Variants in DSN1 observed in about 807,000 individuals in gnomAD.
DSN1 encodes the protein kinetochore-associated protein DSN1 homolog.
Under a neutral mutation model 45.7 loss-of-function variants are expected in DSN1, and 31 were observed. That is an observed-to-expected ratio of 0.68 (90% confidence interval 0.51 to 0.92). The LOEUF is 0.92. Ranked by LOEUF, DSN1 falls within the 40% of genes least tolerant of loss-of-function variation. The probability of loss-of-function intolerance (pLI) is 0.00; values close to 1 mark genes in which losing one functional copy is unlikely to be tolerated. For synonymous variants in DSN1, 134 were observed against 142.3 expected (o/e 0.94, Z 0.41); for missense variants, 394 against 414.2 (o/e 0.95, Z 0.42).
intron 6 of DSN1, among the ~76,000 whole-genome samples, chr20:36,760,539 C>A (rs1986920101): frequency 6.6e-6 from 1 of 152,184 alleles, no homozygotes. Context: ...AAGCCTGAGA[C>A]ACACAGCCAT....
At position 36,767,215 on chromosome 20, in the gene DSN1, T is replaced by C. The variant is rs2425281; in HGVS notation, c.430-374A>G. ...CCAGCTACTCGGGAGGCTGAGGCGG[T>C]AGAATCGCTTGAACCTGGGAGGCGG... is the stretch of plus-strand genomic sequence containing the variant. On this transcript the variant is annotated intron_variant, in intron 4 of 10. Coordinates refer to ENST00000373750, the MANE Select transcript of DSN1 (RefSeq NM_001145315.2). Among the ~76,000 whole-genome samples, 5 of 150,140 alleles carry C rather than the reference T, an allele frequency of 3.3e-5. 2 individuals are homozygous for C. Among genetic ancestry groups the C allele is most frequent in the East Asian group, 2.0e-4 (1 of 4,964 alleles).
intron 4 of DSN1, 28 bp from the exon 5 acceptor site, chr20:36,766,869 A>G: frequency 6.5e-7 from 1 of 1,531,590 alleles, no homozygotes; most frequent in Non-Finnish European, 8.9e-7. Context: ...TTTTTAGTAC[A>G]ACCACCAAAA....
chr20:36,758,814 A>G (rs1320371995), intron 6 of DSN1, among the ~76,000 whole-genome samples, 197 bp from the exon 7 acceptor site: 1 of 151,986 alleles, frequency 6.6e-6, no homozygotes, highest in Non-Finnish European at 1.5e-5. Flanking sequence ...TAGCCTCCAG[A>G]GTAGCTGGAA....
At chr20:36,761,596 C>T (rs987583138) in intron 6 of DSN1, among the ~76,000 whole-genome samples, 3 of 152,050 alleles carry the variant, frequency 2.0e-5, no homozygotes, top group African/African-American at 2.4e-5. Flanking sequence ...CGCGGTGGCT[C>T]ATGCCTGTAA....
chr20:36,764,747 C>G (rs1446357555), intron 5 of DSN1, among the ~76,000 whole-genome samples: 3 of 151,990 alleles, frequency 2.0e-5, no homozygotes, highest in African/African-American at 4.8e-5. Flanking sequence ...ATGGCGAAAC[C>G]CTGTCTCTAC....
intron 1 of DSN1, 22 bp from the exon 2 acceptor site, chr20:36,771,495 T>C (rs536075359): frequency 1.2e-6 from 2 of 1,611,190 alleles, no homozygotes; most frequent in East Asian, 2.2e-5. Flanking sequence ...AAAATGGAAG[T>C]GATCTGTTCT....
At position 36,771,165 on chromosome 20, in the gene DSN1, A is replaced by G. The variant is rs751339638; in HGVS notation, c.63T>C (p.His21=). Residue 21 remains histidine (H), a synonymous_variant, in exon 3 of 11, where the codon CAT becomes CAC. Transcript: ENST00000373750. ...DEKGPVMSKT[H]DHQLESSLSP... is the part of the protein sequence containing the mutation. ...TGAGACTTGATTCCAATTGATGATC[A>G]TGAGTCTTAGACATCACTGGTCCTT... 10 of 1,613,226 alleles carry G rather than the reference A, an allele frequency of 6.2e-6. No individual in the cohort carries two copies. In the South Asian group the frequency reaches 6.6e-5, roughly 11 times the overall value.
At chr20:36,769,441 G>A (rs565807042) in intron 3 of DSN1, among the ~76,000 whole-genome samples, 3 of 152,274 alleles carry the variant, frequency 2.0e-5, no homozygotes, top group Admixed American at 1.3e-4. Context: ...TAAATACTCC[G>A]GCATAGAGCT....
intron 10 of DSN1, among the ~76,000 whole-genome samples, chr20:36,753,167 G>A (rs1444265382): frequency 6.8e-6 from 1 of 146,390 alleles, no homozygotes; most frequent in Admixed American, 6.9e-5. Flanking sequence ...AACACAGTAA[G>A]ACCTTGTCTC....
intron 3 of DSN1, among the ~76,000 whole-genome samples, chr20:36,768,630 G>T (rs1000312909): frequency 6.6e-6 from 1 of 152,238 alleles, no homozygotes; most frequent in African/African-American, 2.4e-5. Flanking sequence ...GCCTGCCTTG[G>T]CCTTCCAAAG....
At chr20:36,771,340 T>C in intron 2 of DSN1, 85 bp downstream of exon 2, 1 of 1,525,240 alleles carries the variant, frequency 6.6e-7, no homozygotes, top group Non-Finnish European at 9.0e-7. Flanking sequence ...TGATTCCAAA[T>C]CTACCAGGAG....
At chr20:36,771,690 T>C (rs551186699) in intron 1 of DSN1, among the ~76,000 whole-genome samples, 3 of 152,342 alleles carry the variant, frequency 2.0e-5, no homozygotes, top group South Asian at 2.1e-4. Flanking sequence ...CCTGAACACA[T>C]ACCCTACCTT....
chr20:36,768,647 G>A (rs2148282690), intron 3 of DSN1, among the ~76,000 whole-genome samples: 1 of 152,342 alleles, frequency 6.6e-6, no homozygotes, highest in East Asian at 1.9e-4. Flanking sequence ...AAAGTGCTGG[G>A]ATTACAGGTG....
chr20:36,768,877 G>A (rs918448292), intron 3 of DSN1, among the ~76,000 whole-genome samples: 21 of 152,130 alleles, frequency 1.4e-4, no homozygotes, highest in African/African-American at 3.9e-4. Context: ...CGATATCTGT[G>A]TTTTTCCCTC....
intron 3 of DSN1, among the ~76,000 whole-genome samples, chr20:36,769,029 C>T (rs1447051888): frequency 6.6e-6 from 1 of 152,152 alleles, no homozygotes; most frequent in African/African-American, 2.4e-5. Context: ...CTATGAATTC[C>T]ATTCAGATAA....
intron 10 of DSN1, among the ~76,000 whole-genome samples, chr20:36,753,602 C>G (rs1165256618): frequency 6.9e-6 from 1 of 144,252 alleles, no homozygotes; most frequent in Non-Finnish European, 1.5e-5. Flanking sequence ...CATGCCACTG[C>G]ACTCTAGCCT....
chr20:36,770,965 C>G lies in DSN1; in HGVS notation c.263G>C (p.Ser88Thr). ...CCAGGATTGCCTCCTGTCTTGATAACTGGCAGATTGTTCTTGAGGAGACAA... is the reference window on the plus strand; with the variant it reads ...CCAGGATTGCCTCCTGTCTTGATAAGTGGCAGATTGTTCTTGAGGAGACAA... ...LHLSPQEQSA[S>T]YQDRRQSWRR... Residue 88 changes from serine to threonine, a missense_variant, in exon 3 of 11, where the codon AGT (serine) becomes ACT (threonine). Ser to Thr is a moderately conservative substitution (Grantham distance 58). Transcript: ENST00000373750. 6.2e-7 allele frequency: 1 copy of G among 1,614,212 alleles called. No homozygotes were observed. The highest frequency in any genetic ancestry group is 8.5e-7 in the Non-Finnish European group (1 of 1,180,048).
chr20:36,753,898 C>G (rs753955359), intron 10 of DSN1, among the ~76,000 whole-genome samples: 1 of 151,362 alleles, frequency 6.6e-6, no homozygotes, highest in Admixed American at 6.6e-5. Context: ...CCCAGCTACT[C>G]GGGAGGCTGA....
Position 36,752,905 on chromosome 20 carries a change from GA to G in DSN1, c.962-9del. ...GTTGCATGCTTCTCTTTCCTGCAGA[GA>G]AAAGAGGCCAAAAAATAAATTTCAA... On this transcript the variant is annotated splice_polypyrimidine_tract_variant and intron_variant, in intron 10 of 10. Transcript: ENST00000373750. The G allele has an allele frequency of 8.7e-6, 14 of 1,605,014 alleles. No individual in the cohort carries two copies. The highest frequency in any genetic ancestry group is 1.2e-5 in the Non-Finnish European group (14 of 1,172,994).
Sources: gnomAD v4.1 joint callset for allele counts (sites outside exome capture counted in the v4.1 genomes callset) on GRCh38, gnomAD v4.1.1 for gene constraint, MANE v1.5 for transcripts, NCBI Gene and HGNC (gene_info 2026-07-23, HGNC 2026-07-21) for gene names.